The following NBAS variants were observed in gnomAD, a reference collection of about 807,000 sequenced individuals.
The protein encoded by NBAS is NBAS subunit of NRZ tethering complex, also known as NAG/BC035112 fusion.
Under a neutral mutation model 302.5 loss-of-function variants are expected in NBAS, and 219 were observed. That is an observed-to-expected ratio of 0.72 (90% CI 0.65 to 0.81). The LOEUF is 0.81. Among genes scored for constraint, NBAS ranks in the 30% least tolerant of loss-of-function variants. The probability of loss-of-function intolerance (pLI) is 0.00; values close to 1 mark genes in which losing one functional copy is unlikely to be tolerated. For missense variants in NBAS, 2,932 were observed against 2,841.6 expected (o/e 1.03, Z -0.72); for synonymous variants, 1,118 against 1,021.6 (o/e 1.09, Z -1.80).
chr2:15,232,466 G>A lies in NBAS; in HGVS notation c.6192C>T (p.Val2064=). Residue 2064 remains valine (V), a synonymous_variant, in exon 47 of 52, where the codon GTC becomes GTT. Transcript: ENST00000281513. ...DLGGPRDPLK[V]LEGVVAAVHA... ...GGACTGCTGCAACAACACCTTCCAG[G>A]ACCTTCAGTGGGTCCCTTGGCCCAC... is the stretch of plus-strand genomic sequence containing the variant. 1 of 1,613,998 alleles carries A rather than the reference G, an allele frequency of 6.2e-7. No individual in the cohort carries two copies. Among genetic ancestry groups the A allele is most frequent in the Non-Finnish European group, 8.5e-7 (1 of 1,180,020 alleles).
chr2:15,234,652 C>A lies in NBAS; in HGVS notation c.6039G>T (p.Gln2013His). ...GCAGCTGCTGAATCATTGCTAGAGG[C>A]TGACCATCTAAACAAATAGCCACAG... ...DEAVAICLDGQPLAMIQQLLE... is the reference protein window; with the variant it reads ...DEAVAICLDGHPLAMIQQLLE... Residue 2013 changes from glutamine (Q) to histidine (H), a missense_variant, in exon 46 of 52, where the codon CAG (glutamine) becomes CAT (histidine). By Grantham distance (24) the Gln-to-His change is conservative (BLOSUM62 0). Transcript: ENST00000281513. 2 of 1,614,160 alleles carry A rather than the reference C, an allele frequency of 1.2e-6. No homozygotes were observed. The highest frequency in any genetic ancestry group is 1.7e-6 in the Non-Finnish European group (2 of 1,179,986).
At chr2:15,376,356 T>C (rs1050108144) in intron 30 of NBAS, among the ~76,000 whole-genome samples, 5 of 152,166 alleles carry the variant, frequency 3.3e-5, no homozygotes, top group African/African-American at 7.2e-5. Context: ...AGGGGAAATA[T>C]AGAAGGACCG....
the NBAS span, among the ~76,000 whole-genome samples, chr2:14,885,677 G>A: frequency 1.3e-5 from 2 of 152,102 alleles, no homozygotes; most frequent in East Asian, 1.9e-4. Context: ...CTCAGTCCTC[G>A]AGTGTTCTTC....
At chr2:14,783,912 GT>G in the NBAS span, among the ~76,000 whole-genome samples, 1 of 150,872 alleles carries the variant, frequency 6.6e-6, no homozygotes, top group Non-Finnish European at 1.5e-5. Context: ...TTCCACAATG[GT>G]TGAACTAGTT....
At chr2:15,277,204 T>C in intron 42 of NBAS, 103 bp from the exon 43 acceptor site, 2 of 1,415,734 alleles carry the variant, frequency 1.4e-6, no homozygotes, top group Non-Finnish European at 1.9e-6. Context: ...AGCTCCCTTC[T>C]TCCTGCCTAC....
chr2:15,430,713 G>A (rs780324824), intron 21 of NBAS, among the ~76,000 whole-genome samples: 6 of 152,144 alleles, frequency 3.9e-5, no homozygotes, highest in Non-Finnish European at 7.3e-5. Flanking sequence ...AAAGGACATA[G>A]GGACTATAGT....
the NBAS span, among the ~76,000 whole-genome samples, chr2:14,844,687 G>A: frequency 6.6e-6 from 1 of 152,124 alleles, no homozygotes; most frequent in South Asian, 2.1e-4. Flanking sequence ...TGAAGGGTGA[G>A]GCCCAGACCA....
the NBAS span, among the ~76,000 whole-genome samples, chr2:15,083,449 C>A: frequency 1.3e-5 from 2 of 152,202 alleles, no homozygotes; most frequent in Non-Finnish European, 2.9e-5. Flanking sequence ...AACAAAATGT[C>A]CTAGTCTATT....
chr2:15,089,572 C>T, the NBAS span, among the ~76,000 whole-genome samples: 292 of 152,038 alleles, frequency 1.9e-3, 2 homozygotes, highest in African/African-American at 6.7e-3. Flanking sequence ...GGGGTGGAGG[C>T]GGGGAGGGAC....
intron 42 of NBAS, among the ~76,000 whole-genome samples, chr2:15,280,333 A>T (rs1386444591): frequency 6.6e-6 from 1 of 152,074 alleles, no homozygotes; most frequent in Non-Finnish European, 1.5e-5. Context: ...GAGTGCTTAG[A>T]AGGAAAGAGG....
At chr2:15,531,625 C>T (rs1007721817) in intron 9 of NBAS, among the ~76,000 whole-genome samples, 2 of 152,178 alleles carry the variant, frequency 1.3e-5, no homozygotes, top group African/African-American at 4.8e-5. Flanking sequence ...TGATTCAGCA[C>T]TCACCACGCT....
chr2:15,425,859 CCTT>C (rs1214663654), intron 22 of NBAS, among the ~76,000 whole-genome samples: 1 of 152,172 alleles, frequency 6.6e-6, no homozygotes, highest in Non-Finnish European at 1.5e-5. Context: ...GACCGCTCCT[CCTT>C]CTGGAAATGC....
chr2:14,995,564 C>T, the NBAS span, among the ~76,000 whole-genome samples: 1 of 152,164 alleles, frequency 6.6e-6, no homozygotes, highest in African/African-American at 2.4e-5. Context: ...TTCCCCATTC[C>T]GTCCTACTCC....
chr2:14,857,601 T>C, the NBAS span, among the ~76,000 whole-genome samples: 2 of 152,124 alleles, frequency 1.3e-5, no homozygotes, highest in African/African-American at 2.4e-5. Context: ...TAAATGCTGC[T>C]GGGAAAACTA....
At position 15,167,079 on chromosome 2, in the gene NBAS, G is replaced by A; in HGVS notation, c.7085C>T (p.Thr2362Ile). 6.2e-7 allele frequency: 1 copy of A among 1,608,334 alleles called. No homozygotes were observed. Among genetic ancestry groups the A allele is most frequent in the Non-Finnish European group, 8.5e-7 (1 of 1,176,528 alleles). The change falls in exon 52 of 52, where the codon ACA (threonine) becomes ATA (isoleucine). Residue 2362 changes from threonine (T) to isoleucine (I), a missense_variant. By Grantham distance (89) the Thr-to-Ile change is moderately conservative. Transcript: ENST00000281513. ...CCAGTGCTGTGCTGCGCGGAGGGCT[G>A]TACTGAAGGTTCTGAAGGCCTGGTG... is the stretch of plus-strand genomic sequence containing the variant. ...GTHQAFRTFSTALRAAQHWV is the reference protein window; with the variant it reads ...GTHQAFRTFSIALRAAQHWV
chr2:15,424,334 A>G lies in NBAS; in HGVS notation c.2558T>C (p.Ile853Thr), dbSNP rs749873028. Reference sequence around the variant, plus strand: ...CCTCACCTGCCGAGCATAATGCTCTATTTCCTCTGCTCTGGTCTGATACCA... The same window carrying G: ...CCTCACCTGCCGAGCATAATGCTCTGTTTCCTCTGCTCTGGTCTGATACCA... ...MDWYQTRAEE[I>T]EHYARQVDCA... Residue 853 changes from isoleucine to threonine, a missense_variant, in exon 23 of 52, where the codon ATA (isoleucine) becomes ACA (threonine). Coordinates refer to ENST00000281513, the MANE Select transcript of NBAS (RefSeq NM_015909.4). 5.8e-5 allele frequency: 94 copies of G among 1,613,912 alleles called. No individual in the cohort carries two copies. The South Asian group carries it at 8.9e-4, about 15-fold the overall frequency.
the NBAS span, among the ~76,000 whole-genome samples, chr2:15,105,079 T>C: frequency 6.6e-6 from 1 of 151,960 alleles, no homozygotes; most frequent in South Asian, 2.1e-4. Flanking sequence ...TATGCAGCCA[T>C]AAAAAAGGAT....
the NBAS span, among the ~76,000 whole-genome samples, chr2:14,797,504 A>T: frequency 6.6e-5 from 10 of 152,140 alleles, no homozygotes; most frequent in Non-Finnish European, 1.2e-4. Flanking sequence ...CACACTGCAG[A>T]TGGCAGGAAC....
chr2:15,559,363 C>G (rs1401743683), intron 1 of NBAS, among the ~76,000 whole-genome samples: 1 of 152,140 alleles, frequency 6.6e-6, no homozygotes, highest in Admixed American at 6.5e-5. Context: ...ACAGACAATG[C>G]TACTAACAAA....
Sources: allele counts gnomAD v4.1 joint callset (sites outside exome capture counted in the v4.1 genomes callset), GRCh38; gene constraint gnomAD v4.1.1; transcripts MANE v1.5; gene names NCBI Gene and HGNC (gene_info 2026-07-23, HGNC 2026-07-21).